Variants in PWWP2B observed in about 807,000 individuals in gnomAD.
The protein encoded by PWWP2B is PWWP domain containing 2B, also known as PWWP domain-containing protein 2B.
PWWP2B carries 9 observed loss-of-function variants against 15.5 expected under a neutral mutation model. The ratio of observed to expected loss-of-function variants is 0.58; its 90% CI spans 0.35 to 1.02. PWWP2B has a LOEUF of 1.02. PWWP2B is among the 50% of genes least tolerant of loss of function. The pLI, the probability that PWWP2B is intolerant of heterozygous loss-of-function variation, is 0.02. For missense variants in PWWP2B, 864 were observed against 865.3 expected (o/e 1.00, Z 0.02); for synonymous variants, 474 against 403.6 (o/e 1.17, Z -2.09).
In PWWP2B at chr10:132,405,388, G is replaced by A. The variant is rs1447039802; in HGVS notation, c.888G>A (p.Val296=). ...ACGACGGCAGCCAGGACCCCGAGGT[G>A]CTGGACAGAGAGTCCCGGGACCGGC... is the stretch of plus-strand genomic sequence containing the variant. ...PQDDGSQDPE[V]LDRESRDRPS... The change falls in exon 2 of 3, where the codon GTG becomes GTA. Residue 296 remains valine (V), a synonymous_variant. Transcript: ENST00000305233. The A allele has an allele frequency of 6.2e-7, 1 of 1,611,204 alleles. No homozygotes were observed. Among genetic ancestry groups the A allele is most frequent in the African/African-American group, 1.3e-5 (1 of 74,922 alleles).
intron 1 of PWWP2B, among the ~76,000 whole-genome samples, chr10:132,403,828 G>C (rs899366712): frequency 6.6e-6 from 1 of 152,204 alleles, no homozygotes; most frequent in Admixed American, 6.5e-5. Flanking sequence ...CCTGCAGCTC[G>C]TGTGGCCCAG....
At chr10:132,411,472 C>T (rs970390393) in intron 2 of PWWP2B, among the ~76,000 whole-genome samples, 10 of 152,240 alleles carry the variant, frequency 6.6e-5, no homozygotes, top group Admixed American at 5.2e-4. Flanking sequence ...GCCCAGGGTC[C>T]ACCCGAGCCT....
At position 132,417,382 on chromosome 10, in the gene PWWP2B, G is replaced by A. The variant is rs1019274790; in HGVS notation, c.*338G>A. On this transcript the variant is annotated 3_prime_UTR_variant, in exon 3 of 3. Coordinates refer to ENST00000305233, the MANE Select transcript of PWWP2B (RefSeq NM_138499.4). ...ATGGAGGAACTGGGCCTGCCGCCCC[G>A]GCCTCACCTGCTGCCCGCATGCTGG... 2.8e-5 allele frequency: 13 copies of A among 457,052 alleles called. No homozygotes were observed. The highest frequency in any genetic ancestry group is 5.8e-4 in the Middle Eastern group (1 of 1,714). The allele number at this position is 457,052 out of a possible 1,614,324, so 28.3% of individuals were successfully genotyped here.
rs930928231 is a variant in PWWP2B, at chr10:132,417,309, C to T, written c.*265C>T. Reference sequence around the variant, plus strand: ...CCTGGCTCACGAGGCAGTCGGGACTCGTGACTTGCTGGCTGCTGGCTGCTG... The same window carrying T: ...CCTGGCTCACGAGGCAGTCGGGACTTGTGACTTGCTGGCTGCTGGCTGCTG... On this transcript the variant is annotated 3_prime_UTR_variant, in exon 3 of 3. Transcript: ENST00000305233. 2 of 539,038 alleles carry T rather than the reference C, an allele frequency of 3.7e-6. No individual in the cohort carries two copies. Among genetic ancestry groups the T allele is most frequent in the South Asian group, 2.3e-5 (1 of 42,674 alleles). 33.4% of individuals were successfully genotyped at this position (539,038 alleles called of 1,614,324 possible).
Position 132,405,369 on chromosome 10 carries a change from G to A in PWWP2B, c.869G>A (p.Gly290Asp). 1.2e-6 allele frequency: 2 copies of A among 1,611,132 alleles called. No individual in the cohort carries two copies. The highest frequency in any genetic ancestry group is 1.7e-6 in the Non-Finnish European group (2 of 1,179,014). ...CCCCAGCAGGCCCCGCAGGACGACGGCAGCCAGGACCCCGAGGTGCTGGAC... is the reference window on the plus strand; with the variant it reads ...CCCCAGCAGGCCCCGCAGGACGACGACAGCCAGGACCCCGAGGTGCTGGAC... Reference protein sequence around the residue: ...FRPQQAPQDDGSQDPEVLDRE... With the variant: ...FRPQQAPQDDDSQDPEVLDRE... Residue 290 changes from glycine to aspartate, a missense_variant, in exon 2 of 3, where the codon GGC becomes GAC. Gly to Asp is a moderately conservative substitution (Grantham distance 94). This residue lies in a region of PWWP2B where 736 missense variants were observed against 687.7 expected (regional missense o/e 1.07). Transcript: ENST00000305233.
rs535300143 is a variant in PWWP2B, at chr10:132,414,946, C to T, written c.*17-2115C>T. The stretch of plus-strand genomic sequence containing the variant: ...GGGGCCTCCGAGAGCCTCCTGCTCC[C>T]CCTGGGACGTGAATGGGAGATGGTC... On this transcript the variant is annotated intron_variant, in intron 2 of 2. Coordinates refer to ENST00000305233, the MANE Select transcript of PWWP2B (RefSeq NM_138499.4). 2.0e-5 allele frequency among the ~76,000 whole-genome samples: 3 copies of T among 152,224 alleles called. No individual in the cohort carries two copies. In the East Asian group the frequency reaches 5.8e-4, roughly 29 times the overall value.
chr10:132,411,083 G>C (rs2069773119), intron 2 of PWWP2B, among the ~76,000 whole-genome samples: 1 of 152,200 alleles, frequency 6.6e-6, no homozygotes. Flanking sequence ...CCACACACTG[G>C]GGCTCTGAGA....
chr10:132,397,492 T>G, intron 1 of PWWP2B, 141 bp downstream of exon 1: 42 of 810,538 alleles, frequency 5.2e-5, no homozygotes, highest in East Asian at 3.2e-4. Flanking sequence ...AGCCTGAGTT[T>G]CGGGGCGCGC....
chr10:132,405,901 C>G lies in PWWP2B; in HGVS notation c.1401C>G (p.Pro467=), dbSNP rs770858956. 1 of 1,612,196 alleles carries G rather than the reference C, an allele frequency of 6.2e-7. No homozygotes were observed. Among genetic ancestry groups the G allele is most frequent in the Admixed American group, 1.7e-5 (1 of 60,020 alleles). ...VSREARQTVP[P]LTVRLHTQSV... ...GAGAGGCTCGCCAAACGGTGCCGCC[C>G]CTGACGGTCAGGCTGCACACACAGA... Residue 467 remains proline, a synonymous_variant, in exon 2 of 3, where the codon CCC becomes CCG. Transcript: ENST00000305233.
intron 1 of PWWP2B, among the ~76,000 whole-genome samples, chr10:132,404,176 C>T (rs536777402): frequency 6.6e-6 from 1 of 152,252 alleles, no homozygotes; most frequent in African/African-American, 2.4e-5. Flanking sequence ...AGTCCCCCAG[C>T]CCCTCGGAGA....
At position 132,406,205 on chromosome 10, in the gene PWWP2B, G is replaced by A. The variant is rs755193557; in HGVS notation, c.1705G>A (p.Glu569Lys). 4 of 1,613,056 alleles carry A rather than the reference G, an allele frequency of 2.5e-6. No individual in the cohort carries two copies. Among genetic ancestry groups the A allele is most frequent in the East Asian group, 2.2e-5 (1 of 44,874 alleles). ...KKGMYRKAIT[E>K]AANAARHVAP... ...GGGGATGTATCGGAAAGCTATAACC[G>A]AGGCTGCAAATGCCGCAAGACACGT... Residue 569 changes from glutamate (E) to lysine (K), a missense_variant, in exon 2 of 3, where the codon GAG becomes AAG. This residue lies in a region of PWWP2B where 128 missense variants were observed against 177.6 expected (regional missense o/e 0.72). Coordinates refer to ENST00000305233, the MANE Select transcript of PWWP2B (RefSeq NM_138499.4).
At chr10:132,401,413 CCCA>C (rs2069614654) in intron 1 of PWWP2B, among the ~76,000 whole-genome samples, 1 of 147,496 alleles carries the variant, frequency 6.8e-6, no homozygotes, top group South Asian at 2.1e-4. Flanking sequence ...CCATGGGGCC[CCCA>C]CATGTCCTTC....
chr10:132,413,405 G>A (rs952422022), intron 2 of PWWP2B, among the ~76,000 whole-genome samples: 5 of 152,210 alleles, frequency 3.3e-5, no homozygotes, highest in African/African-American at 1.2e-4. Flanking sequence ...CCCGGTGGGT[G>A]GTGGCAGTGA....
chr10:132,397,251 C>T lies in PWWP2B; in HGVS notation c.25C>T (p.Leu9=), dbSNP rs770443262. The T allele has an allele frequency of 4.7e-6, 6 of 1,289,952 alleles. No homozygotes were observed. The East Asian group carries it at 2.0e-4, about 42-fold the overall frequency. The allele number at this position is 1,289,952 out of a possible 1,614,324, so 79.9% of individuals were successfully genotyped here. A position where few individuals can be genotyped will look rare whatever the true frequency, so the allele number is the denominator to read the frequency against. The change falls in exon 1 of 3, where the codon CTG becomes TTG. Residue 9 remains leucine, a synonymous_variant. Coordinates refer to ENST00000305233, the MANE Select transcript of PWWP2B (RefSeq NM_138499.4). MEPRAGCR[L]PVRVEQVVNG... is the part of the protein sequence containing the mutation. ...CATGGAGCCGCGCGCCGGCTGCCGGCTGCCGGTGCGGGTGGAGCAGGTCGT... is the reference window on the plus strand; with the variant it reads ...CATGGAGCCGCGCGCCGGCTGCCGGTTGCCGGTGCGGGTGGAGCAGGTCGT...
intron 1 of PWWP2B, 145 bp downstream of exon 1, chr10:132,397,496 G>A: frequency 9.9e-7 from 1 of 1,007,558 alleles, no homozygotes; most frequent in Non-Finnish European, 1.2e-6. Flanking sequence ...TGAGTTTCGG[G>A]GCGCGCGAGC....
chr10:132,415,678 CAT>C lies in PWWP2B; in HGVS notation c.*17-1380_*17-1379del, dbSNP rs561252642. Among the ~76,000 whole-genome samples the C allele has an allele frequency of 3.8e-4, 55 of 146,230 alleles. No individual in the cohort carries two copies. The South Asian group carries it at 8.5e-3, about 23-fold the overall frequency. ...ACATGCACTCACACACTCACACACA[CAT>C]ATCCACACACACATGCACTCTCACA... On this transcript the variant is annotated intron_variant, in intron 2 of 2. Coordinates refer to ENST00000305233, the MANE Select transcript of PWWP2B (RefSeq NM_138499.4).
chr10:132,402,935 G>C (rs1186567255), intron 1 of PWWP2B, among the ~76,000 whole-genome samples: 1 of 152,348 alleles, frequency 6.6e-6, no homozygotes, highest in East Asian at 1.9e-4. Context: ...GGGTGCATGG[G>C]GTCTGTGCTC....
At chr10:132,399,959 C>T (rs2069593736) in intron 1 of PWWP2B, among the ~76,000 whole-genome samples, 1 of 152,210 alleles carries the variant, frequency 6.6e-6, no homozygotes, top group Non-Finnish European at 1.5e-5. Flanking sequence ...CAGACACAGA[C>T]TGCTGGAAAG....
chr10:132,416,295 C>T (rs1207764773), intron 2 of PWWP2B, among the ~76,000 whole-genome samples: 1 of 152,178 alleles, frequency 6.6e-6, no homozygotes, highest in East Asian at 1.9e-4. Flanking sequence ...CTGCAGGCTC[C>T]GCTGCCTTCC....
Sources: allele counts gnomAD v4.1 joint callset (sites outside exome capture counted in the v4.1 genomes callset), GRCh38; gene constraint gnomAD v4.1.1; regional missense constraint gnomAD v4.1.1; transcripts MANE v1.5; gene names NCBI Gene and HGNC (gene_info 2026-07-23, HGNC 2026-07-21).